The following AKAP14 variants were observed in gnomAD, a reference collection of about 807,000 sequenced individuals.
AKAP14 encodes the protein A-kinase anchor protein 14.
Under a neutral mutation model 17.0 loss-of-function variants are expected in AKAP14, and 4 were observed. The ratio of observed to expected loss-of-function variants is 0.23; its 90% confidence interval spans 0.12 to 0.54. The LOEUF (loss-of-function observed/expected upper bound fraction) is 0.54, where lower values mean the gene tolerates loss of function less well. AKAP14 is among the 20% of genes least tolerant of loss of function. The pLI is 0.95. For missense variants in AKAP14, 129 were observed against 150.9 expected (o/e 0.85, Z 0.76); for synonymous variants, 42 against 51.3 (o/e 0.82, Z 0.77).
chrX:119,904,712 G>A (rs2056587399), intron 4 of AKAP14, among the ~76,000 whole-genome samples: 1 of 111,057 alleles, frequency 9.0e-6, no homozygotes, highest in Middle Eastern at 4.2e-3. Flanking sequence ...GTGAAACCCC[G>A]TCTCTATTAA....
intron 5 of AKAP14, among the ~76,000 whole-genome samples, chrX:119,917,087 C>CA (rs2056663398): frequency 1.0e-5 from 1 of 99,618 alleles, no homozygotes. Context: ...GCCTGGGTGA[C>CA]AGAGCGAGAC....
chrX:119,920,663 T>C lies in AKAP14; in HGVS notation c.*56T>C, dbSNP rs1461337013. ...TCATCAGGATACATTAAAAATACAA[T>C]ACAGCACGTCAAACCACAGAATATT... On this transcript the variant is annotated 3_prime_UTR_variant, in exon 7 of 7. Coordinates refer to ENST00000371431, the MANE Select transcript of AKAP14 (RefSeq NM_178813.6). 4.6e-6 allele frequency: 4 copies of C among 874,987 alleles called. No homozygotes were observed. The highest frequency in any genetic ancestry group is 3.3e-5 in the East Asian group (1 of 30,679). The allele number at this position is 874,987 out of a possible 1,213,427, so 72.1% of individuals were successfully genotyped here.
At chrX:119,896,959 A>C (rs1252549114) in intron 2 of AKAP14, among the ~76,000 whole-genome samples, 1 of 106,782 alleles carries the variant, frequency 9.4e-6, no homozygotes, top group African/African-American at 3.4e-5. Context: ...ACAGGCATGC[A>C]CCACCATGCC....
chrX:119,920,524 T>C lies in AKAP14; in HGVS notation c.511T>C (p.Phe171Leu). The change falls in exon 7 of 7, where the codon TTT becomes CTT. Residue 171 changes from phenylalanine (F) to leucine (L), a missense_variant. Transcript: ENST00000371431. ...CCTTTGTAGACCAGGAATGGTTCGC[T>C]TTCGAGAAAACTGGCAGAAGAATCT... ...ALVHRPGMVR[F>L]RENWQKNLTD... is the part of the protein sequence containing the mutation. 2 of 1,209,438 alleles carry C rather than the reference T, an allele frequency of 1.7e-6. No individual in the cohort carries two copies. The highest frequency in any genetic ancestry group is 3.0e-5 in the East Asian group (1 of 33,793).
intron 4 of AKAP14, among the ~76,000 whole-genome samples, chrX:119,911,315 T>C (rs2056626039): frequency 9.3e-6 from 1 of 107,373 alleles, no homozygotes; most frequent in African/African-American, 3.4e-5. Flanking sequence ...GATGGTGCCA[T>C]TGCAGTCCAG....
At chrX:119,904,473 C>T (rs1274009804) in intron 4 of AKAP14, among the ~76,000 whole-genome samples, 2 of 112,336 alleles carry the variant, frequency 1.8e-5, no homozygotes, top group African/African-American at 3.2e-5. Flanking sequence ...TTGGGCCAGG[C>T]GCAGTGGTTC....
intron 6 of AKAP14, 77 bp from the exon 7 acceptor site, chrX:119,920,431 G>A: frequency 3.6e-6 from 3 of 826,458 alleles, no homozygotes; most frequent in Non-Finnish European, 5.2e-6. Context: ...AGAGTAAATA[G>A]GGAATCCCCT....
chrX:119,896,805 C>CTTTTTTTTTTTTTTTTTTTTTTTT lies in AKAP14; in HGVS notation c.-11+545_-11+546insTTTTTTTTTTTTTTTTTTTTTTTT, dbSNP rs765107118. On this transcript the variant is annotated intron_variant, in intron 2 of 6. Coordinates refer to ENST00000371431, the MANE Select transcript of AKAP14 (RefSeq NM_178813.6). ...CAAATGGGCAATTTTCTTTTCTTTT[C>CTTTTTTTTTTTTTTTTTTTTTTTT]TTTTTTTCTTTTTTTTTTTTTTTGA... Among the ~76,000 whole-genome samples the CTTTTTTTTTTTTTTTTTTTTTTTT allele has an allele frequency of 4.2e-5, 3 of 70,770 alleles. 1 individual carries two copies. Among genetic ancestry groups the CTTTTTTTTTTTTTTTTTTTTTTTT allele is most frequent in the Non-Finnish European group, 7.6e-5 (3 of 39,221 alleles). The allele number at this position is 70,770 out of a possible 115,157, so 61.5% of individuals were successfully genotyped here.
chrX:119,904,220 G>T (rs1603377563), intron 4 of AKAP14, among the ~76,000 whole-genome samples: 1 of 112,072 alleles, frequency 8.9e-6, no homozygotes, highest in East Asian at 2.8e-4. Flanking sequence ...TTACAGGTGT[G>T]AGCCATTGCA....
chrX:119,900,941 A>T (rs979160997), intron 2 of AKAP14, among the ~76,000 whole-genome samples: 4 of 112,621 alleles, frequency 3.6e-5, no homozygotes, highest in Non-Finnish European at 7.5e-5. Flanking sequence ...AAGGGAAAAG[A>T]TGTAAAAAAC....
At chrX:119,914,553 G>A in intron 4 of AKAP14, 146 bp from the exon 5 acceptor site, 2 of 521,512 alleles carry the variant, frequency 3.8e-6, no homozygotes, top group East Asian at 3.8e-5. Flanking sequence ...GAACTCCTGG[G>A]CTCAAGCAAT....
chrX:119,916,467 T>C (rs2056658193), intron 5 of AKAP14, among the ~76,000 whole-genome samples: 1 of 108,562 alleles, frequency 9.2e-6, no homozygotes, highest in Non-Finnish European at 1.9e-5. Flanking sequence ...TATCTATCTA[T>C]CTATCTATCT....
At chrX:119,914,626 C>T (rs535386750) in intron 4 of AKAP14, 73 bp from the exon 5 acceptor site, 1 of 1,035,119 alleles carries the variant, frequency 9.7e-7, no homozygotes, top group South Asian at 2.3e-5. Flanking sequence ...CCCAGCCATG[C>T]TGCATTTATC....
Position 119,903,501 on chromosome X carries a change from G to A in AKAP14, c.176G>A (p.Arg59Gln), listed in dbSNP as rs2056580236. 1.1e-5 allele frequency: 13 copies of A among 1,211,412 alleles called. No homozygotes were observed. Among genetic ancestry groups the A allele is most frequent in the Admixed American group, 2.2e-5 (1 of 45,896 alleles). Reference sequence around the variant, plus strand: ...TCACACCTTTTTTTTGCAGAGGAGCGAAACCCTTTGAAAAACATCAAGTGG... The same window carrying A: ...TCACACCTTTTTTTTGCAGAGGAGCAAAACCCTTTGAAAAACATCAAGTGG... Reference protein sequence around the residue: ...NYAVKIVEEERNPLKNIKWMT... With the variant: ...NYAVKIVEEEQNPLKNIKWMT... Residue 59 changes from arginine (R) to glutamine (Q), a missense_variant, in exon 4 of 7, where the codon CGA (arginine) becomes CAA (glutamine). Transcript: ENST00000371431.
chrX:119,916,203 G>A (rs188086538), intron 5 of AKAP14, among the ~76,000 whole-genome samples: 1 of 107,735 alleles, frequency 9.3e-6, no homozygotes, highest in African/African-American at 3.4e-5. Context: ...AGACAGAGTC[G>A]CTCTGTCATC....
rs1312115186 is a variant in AKAP14 at position 119,901,032 on chromosome X, T to C, written c.-10-2182T>C. Reference sequence around the variant, plus strand: ...GTAACACAAATTTTCACATTGTCAATACATGTTAAAGGCATCTGGAAGATT... The same window carrying C: ...GTAACACAAATTTTCACATTGTCAACACATGTTAAAGGCATCTGGAAGATT... On this transcript the variant is annotated intron_variant, in intron 2 of 6. Coordinates refer to ENST00000371431, the MANE Select transcript of AKAP14 (RefSeq NM_178813.6). Among the ~76,000 whole-genome samples, 3 of 112,135 alleles carry C rather than the reference T, an allele frequency of 2.7e-5. No individual in the cohort carries two copies. The East Asian group carries it at 8.4e-4, about 31-fold the overall frequency.
chrX:119,905,574 T>C (rs2428238), intron 4 of AKAP14, among the ~76,000 whole-genome samples: 48,615 of 109,557 alleles, frequency 0.44, 8,519 homozygotes, highest in East Asian at 0.67. Flanking sequence ...TTTCCCCTCC[T>C]GATTTATGGT....
rs771879486 is a variant in AKAP14 at position 119,912,976 on chromosome X, A to G, written c.262-1723A>G. Reference sequence around the variant, plus strand: ...ATTTTGTTTCTCAACTCTCATCACTACGAAGATTTGTGCCTTGAAAGGGGA... The same window carrying G: ...ATTTTGTTTCTCAACTCTCATCACTGCGAAGATTTGTGCCTTGAAAGGGGA... On this transcript the variant is annotated intron_variant, in intron 4 of 6. Coordinates refer to ENST00000371431, the MANE Select transcript of AKAP14 (RefSeq NM_178813.6). Among the ~76,000 whole-genome samples, 5 of 109,811 alleles carry G rather than the reference A, an allele frequency of 4.6e-5. No individual in the cohort carries two copies. The East Asian group carries it at 1.4e-3, about 31-fold the overall frequency.
chrX:119,917,243 C>T (rs2056664666), intron 5 of AKAP14, among the ~76,000 whole-genome samples: 3 of 110,801 alleles, frequency 2.7e-5, no homozygotes, highest in Admixed American at 9.6e-5. Context: ...TTTGGGAGGC[C>T]GAGGTGGACA....
Sources: allele counts gnomAD v4.1 joint callset (sites outside exome capture counted in the v4.1 genomes callset), GRCh38; gene constraint gnomAD v4.1.1; transcripts MANE v1.5; gene names NCBI Gene and HGNC (gene_info 2026-07-23, HGNC 2026-07-21).